SORCS2: variants seen among roughly 807,000 people sequenced by gnomAD.
SORCS2 encodes sortilin related VPS10 domain containing receptor 2.
SORCS2 carries 100 observed loss-of-function variants against 141.6 expected under a neutral mutation model. The ratio of observed to expected loss-of-function variants is 0.71; its 90% CI spans 0.60 to 0.83. The LOEUF (loss-of-function observed/expected upper bound fraction) is 0.83, where lower values mean the gene tolerates loss of function less well. Among genes scored for constraint, SORCS2 ranks in the 40% least tolerant of loss-of-function variants. SORCS2 has a pLI of 0.00. For synonymous variants in SORCS2, 789 were observed against 676.9 expected, an observed-to-expected ratio of 1.17 and a Z score of -2.57; for missense variants, 1,646 against 1,560.2, an observed-to-expected ratio of 1.05 and a Z score of -0.93.
At chr4:7,653,344 A>G (rs768250519) in intron 4 of SORCS2, among the ~76,000 whole-genome samples, 1 of 152,166 alleles carries the variant, frequency 6.6e-6, no homozygotes, top group Non-Finnish European at 1.5e-5. Context: ...CCTGGGTTCA[A>G]GTGATTCTCC....
At chr4:7,463,175 G>A (rs942004165) in intron 2 of SORCS2, among the ~76,000 whole-genome samples, 3 of 152,176 alleles carry the variant, frequency 2.0e-5, no homozygotes, top group Admixed American at 1.3e-4. Flanking sequence ...GCCTGGTGCT[G>A]ACCACTCTGT....
chr4:7,456,778 A>AG (rs1292851180), intron 2 of SORCS2, among the ~76,000 whole-genome samples: 1 of 152,058 alleles, frequency 6.6e-6, no homozygotes, highest in African/African-American at 2.4e-5. Context: ...TGGCAGGGGT[A>AG]GGGGGGTGGA....
At chr4:7,369,071 T>C (rs576402659) in intron 1 of SORCS2, among the ~76,000 whole-genome samples, 1 of 151,966 alleles carries the variant, frequency 6.6e-6, no homozygotes, top group East Asian at 1.9e-4. Context: ...CTTTGGGAGG[T>C]CAAGGCGGGT....
intron 2 of SORCS2, among the ~76,000 whole-genome samples, chr4:7,442,205 C>T (rs1426820541): frequency 1.5e-4 from 1 of 6,548 alleles, no homozygotes; most frequent in African/African-American, 3.8e-4. Flanking sequence ...CCACCCCCTC[C>T]CCCAGCCCAG....
At chr4:7,407,415 C>T (rs111652826) in intron 2 of SORCS2, among the ~76,000 whole-genome samples, 2 of 152,108 alleles carry the variant, frequency 1.3e-5, no homozygotes, top group African/African-American at 4.8e-5. Context: ...GCATTGACCC[C>T]TTTATCATTA....
At position 7,430,397 on chromosome 4, in the gene SORCS2, AC is replaced by A. The variant is rs1726756190; in HGVS notation, c.548+34043del. The A allele has an allele frequency of 2.0e-5, 3 of 152,276 alleles. No individual in the cohort carries two copies. The East Asian group carries it at 5.8e-4, about 29-fold the overall frequency. The allele number at this position is 152,276 out of a possible 1,614,324, so 9.4% of individuals were successfully genotyped here. A position where few individuals can be genotyped will look rare whatever the true frequency, so the allele number is the denominator to read the frequency against. On this transcript the variant is annotated intron_variant, in intron 2 of 26. Coordinates refer to ENST00000507866, the MANE Select transcript of SORCS2 (RefSeq NM_020777.3). ...AAACAAACAAACAAACAAAACAAAA[AC>A]AACAACAACAAAGCAGCTGGACCAC...
At position 7,664,258 on chromosome 4, in the gene SORCS2, C is replaced by T. The variant is rs56160934; in HGVS notation, c.953-95C>T. ...TCAAGCCCATGAAGCCACACCACAG[C>T]GGTATTGGAGGAAGATGGAGTCCAG... On this transcript the variant is annotated intron_variant, in intron 6 of 26. Coordinates refer to ENST00000507866, the MANE Select transcript of SORCS2 (RefSeq NM_020777.3). This position sits in a 1 kb window ranked among gnomAD's most constrained non-coding sequence, Gnocchi z 4.7. 0.13 allele frequency: 120,954 copies of T among 942,486 alleles called. 8,512 individuals are homozygous for T. Among genetic ancestry groups the T allele is most frequent in the South Asian group, 0.19 (12,315 of 63,830 alleles). The allele number at this position is 942,486 out of a possible 1,614,324, so 58.4% of individuals were successfully genotyped here. A position where few individuals can be genotyped will look rare whatever the true frequency, so the allele number is the denominator to read the frequency against.
At chr4:7,239,414 C>T (rs1712531181) in intron 1 of SORCS2, among the ~76,000 whole-genome samples, 1 of 152,252 alleles carries the variant, frequency 6.6e-6, no homozygotes, top group Non-Finnish European at 1.5e-5. Context: ...GACAGTGGCT[C>T]CAATAACCAC....
At chr4:7,604,485 T>C (rs1291432625) in intron 3 of SORCS2, among the ~76,000 whole-genome samples, 2 of 152,194 alleles carry the variant, frequency 1.3e-5, no homozygotes, top group Non-Finnish European at 2.9e-5. Context: ...GCACGGCTCA[T>C]TTTTTGTATT....
intron 1 of SORCS2, among the ~76,000 whole-genome samples, chr4:7,393,052 G>T (rs62277563): frequency 0.22 from 33,741 of 152,060 alleles, 4,148 homozygotes; most frequent in East Asian, 0.31. Context: ...CCTTCCCCAC[G>T]GCCGGGAGGA....
intron 2 of SORCS2, among the ~76,000 whole-genome samples, chr4:7,435,765 G>T (rs1216548802): frequency 1.3e-5 from 2 of 152,234 alleles, no homozygotes; most frequent in African/African-American, 4.8e-5. Flanking sequence ...GAGTCAGCTG[G>T]GTGAGCACGC....
At chr4:7,660,797 T>C (rs1405165991) in intron 5 of SORCS2, among the ~76,000 whole-genome samples, 2 of 152,124 alleles carry the variant, frequency 1.3e-5, no homozygotes, top group African/African-American at 4.8e-5. Flanking sequence ...TGTCGAGTGA[T>C]GGGGTAGGGG....
In SORCS2 at chr4:7,402,949, G is replaced by T. The variant is rs142269964; in HGVS notation, c.548+6594G>T. 2.3e-3 allele frequency among the ~76,000 whole-genome samples: 357 copies of T among 152,036 alleles called. 2 individuals carry two copies. Among genetic ancestry groups the T allele is most frequent in the African/African-American group, 8.3e-3 (346 of 41,462 alleles). The stretch of plus-strand genomic sequence containing the variant: ...GACCCGTACCTCTCTACTCTAAAAA[G>T]CCCATGTCATTTCCAGGCCCCTTAA... On this transcript the variant is annotated intron_variant, in intron 2 of 26. Coordinates refer to ENST00000507866, the MANE Select transcript of SORCS2 (RefSeq NM_020777.3).
intron 2 of SORCS2, among the ~76,000 whole-genome samples, chr4:7,449,483 G>A (rs1728303495): frequency 7.0e-6 from 1 of 142,746 alleles, no homozygotes; most frequent in African/African-American, 2.6e-5. Flanking sequence ...ATTTGGGCAA[G>A]TTACCACGTG....
chr4:7,299,210 C>T (rs1156323177), intron 1 of SORCS2, among the ~76,000 whole-genome samples: 17 of 152,336 alleles, frequency 1.1e-4, no homozygotes, highest in African/African-American at 3.6e-4. Context: ...CCCTGGCAGC[C>T]GGAGCCAGGC....
At chr4:7,398,079 C>T (rs193166483) in intron 2 of SORCS2, among the ~76,000 whole-genome samples, 147 of 152,230 alleles carry the variant, frequency 9.7e-4, no homozygotes, top group African/African-American at 3.1e-3. Flanking sequence ...GAACAGGGAA[C>T]GATCTTTTCT....
At chr4:7,287,130 C>T (rs1414152306) in intron 1 of SORCS2, among the ~76,000 whole-genome samples, 1 of 152,146 alleles carries the variant, frequency 6.6e-6, no homozygotes, top group African/African-American at 2.4e-5. Flanking sequence ...TTGGGGTTCC[C>T]TTGGGGGGTC....
At chr4:7,410,630 C>A (rs1465011889) in intron 2 of SORCS2, among the ~76,000 whole-genome samples, 3 of 152,196 alleles carry the variant, frequency 2.0e-5, no homozygotes, top group Non-Finnish European at 4.4e-5. Context: ...TGGCTTTTCA[C>A]CAGCTGCATT....
chr4:7,429,031 T>A (rs1295000923), intron 2 of SORCS2, among the ~76,000 whole-genome samples: 1 of 152,150 alleles, frequency 6.6e-6, no homozygotes, highest in Non-Finnish European at 1.5e-5. Context: ...GGGGCTGCTG[T>A]GACCATTTCA....
Sources: allele counts gnomAD v4.1 joint callset (sites outside exome capture counted in the v4.1 genomes callset), GRCh38; gene constraint gnomAD v4.1.1; non-coding constraint Gnocchi (gnomAD v3.1); transcripts MANE v1.5; gene names NCBI Gene and HGNC (gene_info 2026-07-23, HGNC 2026-07-21).